The following XRRA1 variants were observed in gnomAD, a reference collection of about 807,000 sequenced individuals.
The protein encoded by XRRA1 is X-ray radiation resistance associated 1, also known as X-ray radiation resistance-associated protein 1.
XRRA1 carries 69 observed loss-of-function variants against 80.2 expected under a neutral mutation model. That is an observed-to-expected ratio of 0.86 (90% CI 0.71 to 1.05). The LOEUF (loss-of-function observed/expected upper bound fraction) is 1.05, where lower values mean the gene tolerates loss of function less well. XRRA1 is among the 50% of genes least tolerant of loss of function. XRRA1 has a pLI of 0.00. For missense variants in XRRA1, 967 were observed against 976.4 expected (o/e 0.99, Z 0.13); for synonymous variants, 348 against 389.9 (o/e 0.89, Z 1.27).
rs1451183923 is a variant in XRRA1, at chr11:74,848,455, C to CT, written c.1387dup (p.Ser463LysfsTer37). ...CTGCTTCGGCACCTTTGGGATTTCG[C>CT]TTTTCACCTGTCATGGAGAAGGGCC... On this transcript the variant is annotated frameshift_variant, in exon 15 of 19. Transcript: ENST00000684022. LOFTEE classifies it high-confidence loss of function. 3.1e-6 allele frequency: 5 copies of CT among 1,606,062 alleles called. No individual in the cohort carries two copies. Among genetic ancestry groups the CT allele is most frequent in the Non-Finnish European group, 3.4e-6 (4 of 1,174,728 alleles).
At chr11:74,934,650 G>T (rs1944484766) in intron 4 of XRRA1, among the ~76,000 whole-genome samples, 1 of 152,132 alleles carries the variant, frequency 6.6e-6, no homozygotes, top group African/African-American at 2.4e-5. Flanking sequence ...GGGTAGTAGG[G>T]ATTATGAAGT....
chr11:74,938,043 C>T (rs1282846914), intron 3 of XRRA1, among the ~76,000 whole-genome samples: 1 of 152,150 alleles, frequency 6.6e-6, no homozygotes, highest in Non-Finnish European at 1.5e-5. Context: ...AAAAAGGAAG[C>T]CCTAACTCAA....
intron 8 of XRRA1, among the ~76,000 whole-genome samples, chr11:74,913,117 C>A (rs1028753519): frequency 3.3e-5 from 5 of 152,182 alleles, no homozygotes; most frequent in African/African-American, 1.2e-4. Context: ...CTGAAACTGA[C>A]ATACTAAACA....
chr11:74,921,943 C>A (rs970627677), intron 7 of XRRA1, among the ~76,000 whole-genome samples: 4 of 152,118 alleles, frequency 2.6e-5, no homozygotes, highest in Non-Finnish European at 5.9e-5. Flanking sequence ...AGACCTGGCA[C>A]AAAGTAGGTG....
intron 10 of XRRA1, among the ~76,000 whole-genome samples, chr11:74,870,627 T>C (rs1375215842): frequency 2.0e-5 from 3 of 152,272 alleles, no homozygotes; most frequent in South Asian, 4.1e-4. Flanking sequence ...AGCATCTCTC[T>C]CCCCGCTTGC....
chr11:74,912,781 A>C (rs2056193679), intron 8 of XRRA1, among the ~76,000 whole-genome samples: 1 of 152,356 alleles, frequency 6.6e-6, no homozygotes, highest in Non-Finnish European at 1.5e-5. Flanking sequence ...AGCTTAAATA[A>C]AATTGAACAT....
intron 10 of XRRA1, among the ~76,000 whole-genome samples, chr11:74,885,470 A>C (rs549029893): frequency 2.0e-5 from 3 of 152,352 alleles, no homozygotes; most frequent in African/African-American, 7.2e-5. Context: ...AAAACCTAGA[A>C]GAAATGGATA....
rs1231384236 is a variant in XRRA1, at chr11:74,840,989, G to C, written c.*2211C>G. 2 of 151,928 alleles carry C rather than the reference G, an allele frequency of 1.3e-5. No individual in the cohort carries two copies. The highest frequency in any genetic ancestry group is 4.8e-5 in the African/African-American group (2 of 41,328). 9.4% of individuals were successfully genotyped at this position (151,928 alleles called of 1,614,324 possible). A position where few individuals can be genotyped will look rare whatever the true frequency, so the allele number is the denominator to read the frequency against. The stretch of plus-strand genomic sequence containing the variant: ...CTTCCTGATTTTTTTCAGTTAGTTA[G>C]AGTTAAATGTACCTATAGCCCCTGA... On this transcript the variant is annotated 3_prime_UTR_variant, in exon 19 of 19. Transcript: ENST00000684022.
At chr11:74,892,196 C>T (rs1210727647) in intron 10 of XRRA1, among the ~76,000 whole-genome samples, 1 of 152,016 alleles carries the variant, frequency 6.6e-6, no homozygotes, top group Non-Finnish European at 1.5e-5. Flanking sequence ...GGTACCGGTA[C>T]CAAAACAGAG....
chr11:74,857,519 C>T (rs2041392915), intron 12 of XRRA1, among the ~76,000 whole-genome samples: 1 of 152,110 alleles, frequency 6.6e-6, no homozygotes. Context: ...AAATTCACAA[C>T]CACGTCTGGA....
intron 10 of XRRA1, among the ~76,000 whole-genome samples, chr11:74,886,608 G>A (rs2049089825): frequency 6.6e-6 from 1 of 151,796 alleles, no homozygotes; most frequent in South Asian, 2.1e-4. Flanking sequence ...CGTGATAGGA[G>A]GAATCAATAC....
intron 10 of XRRA1, among the ~76,000 whole-genome samples, chr11:74,903,323 T>C (rs2053932452): frequency 6.6e-6 from 1 of 152,230 alleles, no homozygotes; most frequent in Non-Finnish European, 1.5e-5. Context: ...AAGAGAGTTA[T>C]AAGCAACCTA....
At chr11:74,930,178 T>C (rs1002472320) in intron 6 of XRRA1, 122 bp downstream of exon 6, 6 of 831,494 alleles carry the variant, frequency 7.2e-6, no homozygotes, top group African/African-American at 3.5e-5. Context: ...ACCCAGCCTA[T>C]TGTACTCCAA....
chr11:74,873,344 C>T (rs999879161), intron 10 of XRRA1, among the ~76,000 whole-genome samples: 9 of 152,162 alleles, frequency 5.9e-5, no homozygotes, highest in African/African-American at 2.2e-4. Context: ...ATTAATAAGG[C>T]CATAGTTCCA....
chr11:74,884,483 A>T (rs1020664584), intron 10 of XRRA1, among the ~76,000 whole-genome samples: 1 of 152,204 alleles, frequency 6.6e-6, no homozygotes, highest in Non-Finnish European at 1.5e-5. Flanking sequence ...TTTAGTGTCT[A>T]TGCACACCTG....
At chr11:74,909,720 A>G (rs1051152115) in intron 8 of XRRA1, among the ~76,000 whole-genome samples, 3 of 152,150 alleles carry the variant, frequency 2.0e-5, no homozygotes, top group African/African-American at 7.2e-5. Context: ...AAAGTCTGTC[A>G]GTAGTGGAGA....
chr11:74,924,768 G>C (rs1220785484), intron 7 of XRRA1, among the ~76,000 whole-genome samples: 1 of 152,186 alleles, frequency 6.6e-6, no homozygotes. Flanking sequence ...AGGAGGCGGA[G>C]GTTGCAATAA....
At position 74,842,429 on chromosome 11, in the gene XRRA1, CAG is replaced by C. The variant is rs1474567358; in HGVS notation, c.*769_*770del. 1 of 152,238 alleles carries C rather than the reference CAG, an allele frequency of 6.6e-6. No homozygotes were observed. Among genetic ancestry groups the C allele is most frequent in the African/African-American group, 2.4e-5 (1 of 41,454 alleles). The allele number at this position is 152,238 out of a possible 1,614,324, so 9.4% of individuals were successfully genotyped here. On this transcript the variant is annotated 3_prime_UTR_variant, in exon 19 of 19. Coordinates refer to ENST00000684022, the MANE Select transcript of XRRA1 (RefSeq NM_001378157.1). ...TGAAAGTGGATGTTCTGTTTATAGTCAGAGTCTTGTCTCTGGTGAACAATCTC... is the reference window on the plus strand; with the variant it reads ...TGAAAGTGGATGTTCTGTTTATAGTCAGTCTTGTCTCTGGTGAACAATCTC...
At chr11:74,847,386 A>C (rs1339841216) in intron 15 of XRRA1, among the ~76,000 whole-genome samples, 1 of 151,784 alleles carries the variant, frequency 6.6e-6, no homozygotes, top group Admixed American at 6.6e-5. Context: ...GGCCCTGCCA[A>C]CTCTTCTAGC....
Sources: allele counts gnomAD v4.1 joint callset (sites outside exome capture counted in the v4.1 genomes callset), GRCh38; gene constraint gnomAD v4.1.1; transcripts MANE v1.5; gene names NCBI Gene and HGNC (gene_info 2026-07-23, HGNC 2026-07-21).